Variants in SCO1 observed in about 807,000 individuals in gnomAD.
The protein encoded by SCO1 is cytochrome c oxidase assembly factor SCO1.
Under a neutral mutation model 34.0 loss-of-function variants are expected in SCO1, and 23 were observed. The observed-to-expected ratio is 0.68, with a 90% CI of 0.49 to 0.96. The LOEUF (loss-of-function observed/expected upper bound fraction) is 0.96. SCO1 is among the 40% of genes least tolerant of loss of function. SCO1 has a pLI of 0.00. For synonymous variants in SCO1, 161 were observed against 145.5 expected (o/e 1.11, Z -0.77); for missense variants, 404 against 381.6 (o/e 1.06, Z -0.49).
chr17:10,695,959 A>G, intron 1 of SCO1, 128 bp from the exon 2 acceptor site: 1 of 681,856 alleles, frequency 1.5e-6, no homozygotes, highest in Non-Finnish European at 2.6e-6. Context: ...AAAATGTTTC[A>G]GGGATGAGAA....
chr17:10,695,685 T>C (rs912317054), intron 2 of SCO1, 56 bp downstream of exon 2: 11 of 1,256,698 alleles, frequency 8.8e-6, no homozygotes, highest in East Asian at 2.3e-5. Context: ...AAAAAGGTGC[T>C]AGTCCATAGC....
Position 10,697,237 on chromosome 17 carries a change from CGG to C in SCO1, c.269_270del (p.Pro90ArgfsTer60), listed in dbSNP as rs1345409263. On this transcript the variant is annotated frameshift_variant, in exon 1 of 6. Coordinates refer to ENST00000255390, the MANE Select transcript of SCO1 (RefSeq NM_004589.4). LOFTEE classifies it high-confidence loss of function. ...AAGGGTTCCAGGTGTGCACTCACCC[CGG>C]GCTTCGAGGGGCGCGTGGAGTCTCC... ...GPGDSTRPSKPGPVSWKSLAI... is the reference protein window; with the variant it reads ...GPGDSTRPSKXGPVSWKSLAI... 6.4e-7 allele frequency: 1 copy of C among 1,553,214 alleles called. No homozygotes were observed. The highest frequency in any genetic ancestry group is 8.7e-7 in the Non-Finnish European group (1 of 1,149,240).
rs2074574259 is a variant in SCO1, at chr17:10,675,395, CT to C, written c.*5723del. ...ATTGCTGAGAGCTGTCCAATGCATTCTCCACATCACAGACTTGCTTTCTTTC... is the reference window on the plus strand; with the variant it reads ...ATTGCTGAGAGCTGTCCAATGCATTCCCACATCACAGACTTGCTTTCTTTC... On this transcript the variant is annotated 3_prime_UTR_variant, in exon 6 of 6. Coordinates refer to ENST00000255390, the MANE Select transcript of SCO1 (RefSeq NM_004589.4). 6.6e-6 allele frequency: 1 copy of C among 152,284 alleles called. No homozygotes were observed. The highest frequency in any genetic ancestry group is 1.5e-5 in the Non-Finnish European group (1 of 68,070). 9.4% of individuals were successfully genotyped at this position (152,284 alleles called of 1,614,324 possible). A position where few individuals can be genotyped will look rare whatever the true frequency, so the allele number is the denominator to read the frequency against.
In SCO1 at chr17:10,686,811, G is replaced by A; in HGVS notation, c.687C>T (p.Gly229=). The A allele has an allele frequency of 6.2e-7, 1 of 1,613,734 alleles. No homozygotes were observed. The highest frequency in any genetic ancestry group is 8.5e-7 in the Non-Finnish European group (1 of 1,179,720). Residue 229 remains glycine (G), a synonymous_variant, in exon 5 of 6, where the codon GGC becomes GGT. Coordinates refer to ENST00000255390, the MANE Select transcript of SCO1 (RefSeq NM_004589.4). ...CCACTTGATCGACCTCTTCTCTCGT[G>A]CCAGTCAAGCCAACCAGTTTGGGAG... ...EFSPKLVGLT[G]TREEVDQVAR... is the part of the protein sequence containing the mutation.
Position 10,692,858 on chromosome 17 carries a change from C to T in SCO1, c.468G>A (p.Leu156=). Residue 156 remains leucine, a synonymous_variant, in exon 3 of 6, where the codon TTG becomes TTA. Transcript: ENST00000255390. ...CAAAATAAATCAATAACCACTGACC[C>T]AAGTAGTCCTTGTCAGTTTTACGCT... ...TGERKTDKDY[L]GQWLLIYFGF... is the part of the protein sequence containing the mutation. 1.9e-6 allele frequency: 3 copies of T among 1,614,004 alleles called. No homozygotes were observed. The highest frequency in any genetic ancestry group is 2.5e-6 in the Non-Finnish European group (3 of 1,179,868).
At position 10,679,989 on chromosome 17, in the gene SCO1, C is replaced by T. The variant is rs2074610740; in HGVS notation, c.*1130G>A. The T allele has an allele frequency of 6.6e-6, 1 of 151,838 alleles. No homozygotes were observed. Among genetic ancestry groups the T allele is most frequent in the Non-Finnish European group, 1.5e-5 (1 of 68,208 alleles). The allele number at this position is 151,838 out of a possible 1,614,324, so 9.4% of individuals were successfully genotyped here. A position where few individuals can be genotyped will look rare whatever the true frequency, so the allele number is the denominator to read the frequency against. On this transcript the variant is annotated 3_prime_UTR_variant, in exon 6 of 6. Transcript: ENST00000255390. Reference sequence around the variant, plus strand: ...GGGGGGGGGGTCTCACTATGTTGCCCAGGCTTGTCTTGAATACCTAACCTC... The same window carrying T: ...GGGGGGGGGGTCTCACTATGTTGCCTAGGCTTGTCTTGAATACCTAACCTC...
chr17:10,687,963 T>C (rs143574854), intron 4 of SCO1, among the ~76,000 whole-genome samples: 24 of 152,352 alleles, frequency 1.6e-4, no homozygotes, highest in African/African-American at 5.3e-4. Flanking sequence ...TGTTTTTCAT[T>C]GCTTCATGAA....
At chr17:10,694,931 C>T (rs2151457953) in intron 2 of SCO1, among the ~76,000 whole-genome samples, 1 of 152,176 alleles carries the variant, frequency 6.6e-6, no homozygotes, top group South Asian at 2.1e-4. Flanking sequence ...AATCATTAAC[C>T]TTTGTATATA....
chr17:10,687,525 T>C (rs1278143471), intron 4 of SCO1, among the ~76,000 whole-genome samples: 2 of 152,232 alleles, frequency 1.3e-5, no homozygotes, highest in Non-Finnish European at 2.9e-5. Context: ...AGTTCCTTTT[T>C]CTAAAGGTAC....
Position 10,681,187 on chromosome 17 carries a change from T to G in SCO1, c.838A>C (p.Asn280His). ...GCAGCTATTTCTCCCTTCCTCTTGTTCTGGCCAAAATAATCTAGAAACTCA... is the reference window on the plus strand; with the variant it reads ...GCAGCTATTTCTCCCTTCCTCTTGTGCTGGCCAAAATAATCTAGAAACTCA... ...DGEFLDYFGQ[N>H]KRKGEIAASI... Residue 280 changes from asparagine to histidine, a missense_variant, in exon 6 of 6, where the codon AAC becomes CAC. Asn to His is a moderately conservative substitution (Grantham distance 68). Coordinates refer to ENST00000255390, the MANE Select transcript of SCO1 (RefSeq NM_004589.4). The G allele has an allele frequency of 6.2e-7, 1 of 1,614,192 alleles. No individual in the cohort carries two copies. Among genetic ancestry groups the G allele is most frequent in the Non-Finnish European group, 8.5e-7 (1 of 1,180,018 alleles).
In SCO1 at chr17:10,675,865, T is replaced by C. The variant is rs916730300; in HGVS notation, c.*5254A>G. On this transcript the variant is annotated 3_prime_UTR_variant, in exon 6 of 6. Coordinates refer to ENST00000255390, the MANE Select transcript of SCO1 (RefSeq NM_004589.4). ...CGGGGAGGGTTGTCTTTCCCTAGGGTTGTGTCTTCCTTGAACTGGGTGCAA... is the reference window on the plus strand; with the variant it reads ...CGGGGAGGGTTGTCTTTCCCTAGGGCTGTGTCTTCCTTGAACTGGGTGCAA... 1.3e-5 allele frequency: 2 copies of C among 152,070 alleles called. No homozygotes were observed. Among genetic ancestry groups the C allele is most frequent in the African/African-American group, 2.4e-5 (1 of 41,420 alleles). 9.4% of individuals were successfully genotyped at this position (152,070 alleles called of 1,614,324 possible). A position where few individuals can be genotyped will look rare whatever the true frequency, so the allele number is the denominator to read the frequency against.
At chr17:10,690,371 G>C (rs562085687) in intron 4 of SCO1, among the ~76,000 whole-genome samples, 1 of 152,106 alleles carries the variant, frequency 6.6e-6, no homozygotes, top group African/African-American at 2.4e-5. Flanking sequence ...TTTTAAAAAG[G>C]GCAAATGATC....
In SCO1 at chr17:10,672,970, C is replaced by G. The variant is rs898233016; in HGVS notation, c.*8149G>C. On this transcript the variant is annotated 3_prime_UTR_variant, in exon 6 of 6. Transcript: ENST00000255390. ...GGTGCACTAGTTGGCACTTTGGGGC[C>G]TCATGTCTAAAAGCTGCCCTAATTT... is the stretch of plus-strand genomic sequence containing the variant. 7 of 151,536 alleles carry G rather than the reference C, an allele frequency of 4.6e-5. No homozygotes were observed. The highest frequency in any genetic ancestry group is 8.8e-5 in the Non-Finnish European group (6 of 67,948). The allele number at this position is 151,536 out of a possible 1,614,324, so 9.4% of individuals were successfully genotyped here. A position where few individuals can be genotyped will look rare whatever the true frequency, so the allele number is the denominator to read the frequency against.
chr17:10,693,083 C>CA, intron 2 of SCO1, 122 bp from the exon 3 acceptor site: 1 of 777,320 alleles, frequency 1.3e-6, no homozygotes, highest in East Asian at 2.7e-5. Context: ...GTGGAAAAAA[C>CA]AGTTTCAGTT....
At chr17:10,688,085 G>A (rs934957360) in intron 4 of SCO1, among the ~76,000 whole-genome samples, 17 of 152,116 alleles carry the variant, frequency 1.1e-4, no homozygotes, top group Non-Finnish European at 2.5e-4. Flanking sequence ...ATAAACCTTC[G>A]TAACCTTAGG....
Position 10,692,972 on chromosome 17 carries a change from C to T in SCO1, c.365-11G>A. 1.2e-6 allele frequency: 2 copies of T among 1,612,844 alleles called. No individual in the cohort carries two copies. The highest frequency in any genetic ancestry group is 1.7e-6 in the Non-Finnish European group (2 of 1,179,082). On this transcript the variant is annotated splice_polypyrimidine_tract_variant and intron_variant, in intron 2 of 5. Transcript: ENST00000255390. ...GTTCCTTCTCTAACTCTTAAGGAGA[C>T]AAAAACATATCGACACCAAAAAAAA...
At chr17:10,685,020 T>C (rs1248074503) in intron 5 of SCO1, among the ~76,000 whole-genome samples, 2 of 152,364 alleles carry the variant, frequency 1.3e-5, no homozygotes, top group East Asian at 3.9e-4. Context: ...AGGATTACTG[T>C]GTAGGCTTAA....
In SCO1 at chr17:10,678,860, G is replaced by GTTTTT. The variant is rs1325340207; in HGVS notation, c.*2258_*2259insAAAAA. 1 of 145,802 alleles carries GTTTTT rather than the reference G, an allele frequency of 6.9e-6. No individual in the cohort carries two copies. Among genetic ancestry groups the GTTTTT allele is most frequent in the African/African-American group, 2.7e-5 (1 of 37,060 alleles). 9.0% of individuals were successfully genotyped at this position (145,802 alleles called of 1,614,324 possible). A position where few individuals can be genotyped will look rare whatever the true frequency, so the allele number is the denominator to read the frequency against. On this transcript the variant is annotated 3_prime_UTR_variant, in exon 6 of 6. Transcript: ENST00000255390. The stretch of plus-strand genomic sequence containing the variant: ...AGGCAAAAATCAAGGAGTCAGCAGG[G>GTTTTT]TTTGTTTTTTTTTTTTTTTCTCACA...
chr17:10,681,165 G>C lies in SCO1; in HGVS notation c.860C>G (p.Ala287Gly). The change falls in exon 6 of 6, where the codon GCT (alanine) becomes GGT (glycine). Residue 287 changes from alanine (A) to glycine (G), a missense_variant. Physicochemically the swap from Ala to Gly is moderately conservative, Grantham distance 60. Transcript: ENST00000255390. The part of the protein sequence containing the change: ...FGQNKRKGEI[A>G]ASIATHMRPY... ...CCTCATGTGTGTGGCAATTGAAGCA[G>C]CTATTTCTCCCTTCCTCTTGTTCTG... The C allele has an allele frequency of 6.2e-7, 1 of 1,614,142 alleles. No individual in the cohort carries two copies. The highest frequency in any genetic ancestry group is 8.5e-7 in the Non-Finnish European group (1 of 1,180,020).
Sources: gnomAD v4.1 joint callset for allele counts (sites outside exome capture counted in the v4.1 genomes callset) on GRCh38, gnomAD v4.1.1 for gene constraint, MANE v1.5 for transcripts, NCBI Gene and HGNC (gene_info 2026-07-23, HGNC 2026-07-21) for gene names.